The following CCDC7 variants were observed in gnomAD, a reference collection of about 807,000 sequenced individuals.
The protein encoded by CCDC7 is coiled-coil domain-containing protein 7.
Under a neutral mutation model 196.9 loss-of-function variants are expected in CCDC7, and 183 were observed. That is an observed-to-expected ratio of 0.93 (90% CI 0.82 to 1.05). The LOEUF (loss-of-function observed/expected upper bound fraction) is 1.05, where lower values mean the gene tolerates loss of function less well. Among genes scored for constraint, CCDC7 ranks in the 50% least tolerant of loss-of-function variants. The pLI, the probability that CCDC7 is intolerant of heterozygous loss-of-function variation, is 0.00. For missense variants in CCDC7, 1,540 were observed against 1,482.2 expected (o/e 1.04, Z -0.64); for synonymous variants, 525 against 484.6 (o/e 1.08, Z -1.10).
At chr10:32,474,121 G>T in intron 8 of CCDC7, 98 bp downstream of exon 9, 3 of 1,218,422 alleles carry the variant, frequency 2.5e-6, no homozygotes, top group Non-Finnish European at 3.3e-6. Flanking sequence ...CAGACTCCTT[G>T]CCTTGGAGTT....
intron 9 of CCDC7, among the ~76,000 whole-genome samples, chr10:32,515,239 T>C (rs778815925): frequency 2.6e-5 from 4 of 152,196 alleles, no homozygotes; most frequent in Admixed American, 2.0e-4. Flanking sequence ...CTAAAACTCA[T>C]GTGGAAGTGC....
intron 21 of CCDC7, among the ~76,000 whole-genome samples, chr10:32,679,956 C>T (rs1380379980): frequency 1.3e-5 from 2 of 152,146 alleles, no homozygotes; most frequent in African/African-American, 4.8e-5. Context: ...TTTTCACACT[C>T]TAGACAATAG....
chr10:32,571,673 G>T (rs2057574441), intron 15 of CCDC7, among the ~76,000 whole-genome samples, 186 bp from the exon 17 acceptor site: 1 of 151,540 alleles, frequency 6.6e-6, no homozygotes, highest in Non-Finnish European at 1.5e-5. Context: ...GTAATTTTAG[G>T]GCCTACTCTC....
intron 18 of CCDC7, among the ~76,000 whole-genome samples, chr10:32,633,777 G>T (rs1311602441): frequency 6.7e-6 from 1 of 149,950 alleles, no homozygotes; most frequent in Non-Finnish European, 1.5e-5. Flanking sequence ...TTGGAATTGT[G>T]CATTAACTTA....
chr10:32,542,071 T>C (rs1445847975), intron 11 of CCDC7, among the ~76,000 whole-genome samples: 1 of 152,216 alleles, frequency 6.6e-6, no homozygotes, highest in Non-Finnish European at 1.5e-5. Flanking sequence ...GTTTCTGCTC[T>C]GTGAGAATGG....
At chr10:32,814,846 C>T (rs376628150) in intron 31 of CCDC7, among the ~76,000 whole-genome samples, 2 of 152,116 alleles carry the variant, frequency 1.3e-5, no homozygotes, top group Non-Finnish European at 2.9e-5. Flanking sequence ...TCTCTATGAC[C>T]GTTGGTGTGA....
At chr10:32,714,242 CAAG>C (rs2081261829) in intron 25 of CCDC7, among the ~76,000 whole-genome samples, 1 of 152,090 alleles carries the variant, frequency 6.6e-6, no homozygotes, top group Non-Finnish European at 1.5e-5. Flanking sequence ...GGGTGCAGCT[CAAG>C]GAGGGCGAGC....
chr10:32,594,038 T>G (rs1459474109), intron 18 of CCDC7, among the ~76,000 whole-genome samples: 2 of 152,224 alleles, frequency 1.3e-5, no homozygotes, highest in Non-Finnish European at 2.9e-5. Context: ...GCAGGCTCTT[T>G]TTTGGTTCCA....
chr10:32,680,697 T>C (rs1283875888), intron 21 of CCDC7, among the ~76,000 whole-genome samples: 4 of 152,202 alleles, frequency 2.6e-5, no homozygotes, highest in African/African-American at 9.6e-5. Context: ...TCTATTTGCC[T>C]GTCATCTTGG....
At chr10:32,574,415 G>A (rs2057950931) in intron 16 of CCDC7, 2 of 1,566,166 alleles carry the variant, frequency 1.3e-6, no homozygotes, top group East Asian at 4.7e-5. Flanking sequence ...CCTTCATTTT[G>A]GGTTACTTCT....
At chr10:32,784,136 A>C (rs1400743301) in intron 29 of CCDC7, among the ~76,000 whole-genome samples, 1 of 152,182 alleles carries the variant, frequency 6.6e-6, no homozygotes, top group Non-Finnish European at 1.5e-5. Context: ...AAAATAATAA[A>C]TTTTATATTA....
At chr10:32,454,282 T>C (rs989762961) in intron 2 of CCDC7, among the ~76,000 whole-genome samples, 4 of 152,172 alleles carry the variant, frequency 2.6e-5, no homozygotes, top group Non-Finnish European at 5.9e-5. Context: ...ATTACCCAAC[T>C]ATTAAAAGGA....
In CCDC7 at chr10:32,611,341, T is replaced by A. The variant is rs562738262; in HGVS notation, c.1802-22913T>A. Among the ~76,000 whole-genome samples, 4 of 152,336 alleles carry A rather than the reference T, an allele frequency of 2.6e-5. No individual in the cohort carries two copies. The East Asian group carries it at 7.7e-4, about 29-fold the overall frequency. On this transcript the variant is annotated intron_variant, in intron 18 of 41. Transcript: ENST00000639629. ...TATTAGTCCTTTGTCAGATGGATAA[T>A]TGCAAAAATGTTCTCCCATTCTGTA... is the stretch of plus-strand genomic sequence containing the variant.
intron 8 of CCDC7, among the ~76,000 whole-genome samples, chr10:32,476,570 AAC>A (rs1183118918): frequency 6.7e-5 from 10 of 150,022 alleles, no homozygotes; most frequent in African/African-American, 2.4e-4. Flanking sequence ...CAATTGGGTA[AAC>A]ACAAAGGAGC....
At chr10:32,530,925 A>G (rs1396037295) in intron 11 of CCDC7, among the ~76,000 whole-genome samples, 1 of 152,078 alleles carries the variant, frequency 6.6e-6, no homozygotes, top group Admixed American at 6.5e-5. Flanking sequence ...ATTTTGAGTT[A>G]TGTTCCATCT....
At chr10:32,592,649 G>A (rs895658052) in intron 18 of CCDC7, among the ~76,000 whole-genome samples, 8 of 151,914 alleles carry the variant, frequency 5.3e-5, no homozygotes, top group East Asian at 3.9e-4. Flanking sequence ...TGCTGCACCC[G>A]TTAACTCGTC....
intron 30 of CCDC7, among the ~76,000 whole-genome samples, chr10:32,811,205 A>G (rs991734917): frequency 3.9e-5 from 6 of 152,084 alleles, no homozygotes; most frequent in Admixed American, 3.3e-4. Context: ...GCAAAGGATC[A>G]ACCAAATCAA....
intron 30 of CCDC7, among the ~76,000 whole-genome samples, chr10:32,813,932 C>A (rs530510412): frequency 6.8e-4 from 103 of 152,056 alleles, no homozygotes; most frequent in Admixed American, 3.0e-3. Flanking sequence ...CATTTTAATT[C>A]TTCTATAAAT....
intron 41 of CCDC7, among the ~76,000 whole-genome samples, chr10:32,867,983 AC>A (rs2094268156): frequency 6.6e-6 from 1 of 151,876 alleles, no homozygotes; most frequent in Non-Finnish European, 1.5e-5. Context: ...AAATTTAGCT[AC>A]TATAAGTACC....
Sources: allele counts gnomAD v4.1 joint callset (sites outside exome capture counted in the v4.1 genomes callset), GRCh38; gene constraint gnomAD v4.1.1; transcripts MANE v1.5; gene names NCBI Gene and HGNC (gene_info 2026-07-23, HGNC 2026-07-21).